The following DGKB variants were observed in gnomAD, a reference collection of about 807,000 sequenced individuals.
DGKB encodes the protein 90 kDa diacylglycerol kinase.
Under a neutral mutation model 114.3 loss-of-function variants are expected in DGKB, and 67 were observed. That is an observed-to-expected ratio of 0.59 (90% CI 0.48 to 0.72). DGKB has a LOEUF of 0.72. Among genes scored for constraint, DGKB ranks in the 30% least tolerant of loss-of-function variants. The pLI, the probability that DGKB is intolerant of heterozygous loss-of-function variation, is 0.00. For synonymous variants in DGKB, 398 were observed against 323.1 expected (o/e 1.23, Z -2.49); for missense variants, 907 against 975.2 (o/e 0.93, Z 0.93).
intron 23 of DGKB, among the ~76,000 whole-genome samples, chr7:14,253,497 C>A (rs780057257): frequency 6.6e-6 from 1 of 152,112 alleles, no homozygotes. Context: ...TCGTTAAGGG[C>A]CCTATTGCCT....
intron 23 of DGKB, among the ~76,000 whole-genome samples, chr7:14,323,110 T>C (rs1024579): frequency 0.099 from 15,126 of 152,172 alleles, 779 homozygotes; most frequent in East Asian, 0.15. Flanking sequence ...CAATTAGTAA[T>C]AGCTTCCCAC....
intron 1 of DGKB, among the ~76,000 whole-genome samples, chr7:14,844,029 C>G (rs1416972048): frequency 1.3e-5 from 2 of 152,274 alleles, no homozygotes; most frequent in Non-Finnish European, 1.5e-5. Context: ...GCTCCAAGCC[C>G]ACCCAGTATC....
chr7:14,319,183 T>A (rs1244980630), intron 23 of DGKB, among the ~76,000 whole-genome samples: 1 of 151,616 alleles, frequency 6.6e-6, no homozygotes, highest in East Asian at 1.9e-4. Context: ...ATATACCTAA[T>A]GCTAGATGAC....
At chr7:14,275,068 T>C (rs1239436931) in intron 23 of DGKB, among the ~76,000 whole-genome samples, 2 of 152,104 alleles carry the variant, frequency 1.3e-5, no homozygotes, top group African/African-American at 4.8e-5. Context: ...AAAATACAGA[T>C]TAAACATCAC....
intron 20 of DGKB, among the ~76,000 whole-genome samples, chr7:14,503,795 G>A (rs746527292): frequency 1.2e-4 from 18 of 152,102 alleles, no homozygotes; most frequent in Non-Finnish European, 2.1e-4. Context: ...GTAAGGCAGC[G>A]AGTGACTAAA....
At chr7:14,903,647 G>A (rs150362045), upstream of DGKB, among the ~76,000 whole-genome samples, 2 of 152,264 alleles carry the variant, frequency 1.3e-5, no homozygotes, top group East Asian at 1.9e-4. Context: ...TAACCTCGGA[G>A]CAGGTGACTG....
At chr7:14,793,056 C>CA (rs1482111978) in intron 2 of DGKB, among the ~76,000 whole-genome samples, 8 of 151,938 alleles carry the variant, frequency 5.3e-5, no homozygotes, top group Non-Finnish European at 1.2e-4. Context: ...GAGATTTTTG[C>CA]AAAAAGACTG....
chr7:14,742,592 T>A (rs1004537430), intron 4 of DGKB, among the ~76,000 whole-genome samples: 1 of 152,208 alleles, frequency 6.6e-6, no homozygotes, highest in African/African-American at 2.4e-5. Flanking sequence ...TAGAGAACTG[T>A]TCAACTTGCC....
At chr7:14,831,681 T>C (rs940069746) in intron 2 of DGKB, among the ~76,000 whole-genome samples, 2 of 152,086 alleles carry the variant, frequency 1.3e-5, no homozygotes, top group Non-Finnish European at 2.9e-5. Flanking sequence ...AGGAGTCTCA[T>C]GTCTTCTCCT....
chr7:14,213,111 A>T (rs984216326), intron 23 of DGKB, among the ~76,000 whole-genome samples: 4 of 152,002 alleles, frequency 2.6e-5, no homozygotes, highest in African/African-American at 7.2e-5. Context: ...CAATTTTTAT[A>T]AAAAAATGGT....
At chr7:14,502,232 A>G (rs1786306405) in intron 20 of DGKB, among the ~76,000 whole-genome samples, 1 of 151,942 alleles carries the variant, frequency 6.6e-6, no homozygotes, top group African/African-American at 2.4e-5. Flanking sequence ...AAGAAGTCCA[A>G]CTAATCTGTT....
At chr7:14,735,066 ACT>A (rs1210138657) in intron 5 of DGKB, among the ~76,000 whole-genome samples, 2 of 152,006 alleles carry the variant, frequency 1.3e-5, no homozygotes, top group Non-Finnish European at 2.9e-5. Context: ...CTACCTGCAG[ACT>A]CTAAAGCAGT....
chr7:14,179,500 A>G (rs886596572), intron 23 of DGKB, among the ~76,000 whole-genome samples: 1 of 152,178 alleles, frequency 6.6e-6, no homozygotes, highest in Non-Finnish European at 1.5e-5. Context: ...TTGAGGTCGG[A>G]CTCATAGAAA....
chr7:14,538,085 C>CAAAAAA lies in DGKB; in HGVS notation c.1770+36121_1770+36126dup, dbSNP rs58405374. ...GGGCAACAAGAGCAAATCTCTGTCT[C>CAAAAAA]AAAAAAAAAAAAAAAAAAAAAAAAA... On this transcript the variant is annotated intron_variant, in intron 20 of 25. Coordinates refer to ENST00000402815, the MANE Select transcript of DGKB (RefSeq NM_001350709.2). 1.7e-3 allele frequency among the ~76,000 whole-genome samples: 76 copies of CAAAAAA among 44,792 alleles called. 4 individuals carry two copies. The highest frequency in any genetic ancestry group is 2.6e-3 in the Non-Finnish European group (59 of 22,324). The allele number at this position is 44,792 out of a possible 152,430, so 29.4% of individuals were successfully genotyped here. A position where few individuals can be genotyped will look rare whatever the true frequency, so the allele number is the denominator to read the frequency against.
At chr7:14,177,007 G>A (rs1781846512) in intron 24 of DGKB, 108 bp from the exon 25 acceptor site, 4 of 1,289,698 alleles carry the variant, frequency 3.1e-6, no homozygotes, top group South Asian at 1.4e-5. Context: ...GGTAATAGTT[G>A]GGCTCTAAAT....
At chr7:14,722,790 C>T (rs1281704741) in intron 5 of DGKB, among the ~76,000 whole-genome samples, 4 of 151,618 alleles carry the variant, frequency 2.6e-5, no homozygotes, top group Admixed American at 1.3e-4. Context: ...CCAGCCTGGG[C>T]GGCAGAGTGA....
intron 21 of DGKB, among the ~76,000 whole-genome samples, chr7:14,427,481 C>T (rs996579030): frequency 6.6e-6 from 1 of 152,144 alleles, no homozygotes; most frequent in South Asian, 2.1e-4. Flanking sequence ...GTTGCTTCCA[C>T]ATTTTTGGGT....
chr7:14,798,378 C>A (rs1586586057), intron 2 of DGKB, among the ~76,000 whole-genome samples: 1 of 152,162 alleles, frequency 6.6e-6, no homozygotes, highest in East Asian at 1.9e-4. Context: ...CCCGTATAAC[C>A]TGTGTTGCCA....
intron 3 of DGKB, among the ~76,000 whole-genome samples, chr7:14,756,033 T>C: frequency 6.6e-6 from 1 of 152,062 alleles, no homozygotes; most frequent in East Asian, 1.9e-4. Context: ...ATATGGTGAC[T>C]GATAATTCTC....
Sources: allele counts gnomAD v4.1 joint callset (sites outside exome capture counted in the v4.1 genomes callset), GRCh38; gene constraint gnomAD v4.1.1; transcripts MANE v1.5; gene names NCBI Gene and HGNC (gene_info 2026-07-23, HGNC 2026-07-21).